The following CACNA1A variants were observed in gnomAD, a reference collection of about 807,000 sequenced individuals.
The protein encoded by CACNA1A is voltage-dependent P/Q-type calcium channel subunit alpha-1A.
In CACNA1A, 57 loss-of-function variants were observed where a neutral mutation model predicts 262.4. The observed-to-expected ratio is 0.22, with a 90% CI of 0.18 to 0.27. The LOEUF (loss-of-function observed/expected upper bound fraction) is 0.27, where lower values mean the gene tolerates loss of function less well. Among genes scored for constraint, CACNA1A ranks in the 10% least tolerant of loss-of-function variants. The pLI is 1.00. For missense variants in CACNA1A, 2,526 were observed against 3,562.8 expected, an observed-to-expected ratio of 0.71 and a Z score of 7.41; for synonymous variants, 1,431 against 1,419.3, an observed-to-expected ratio of 1.01 and a Z score of -0.18.
In CACNA1A at chr19:13,286,685, G is replaced by A. The variant is rs374720207; in HGVS notation, c.3371C>T (p.Thr1124Met). The change falls in exon 20 of 47, where the codon ACG (threonine) becomes ATG (methionine). Residue 1124 changes from threonine (T) to methionine (M), a missense_variant. By Grantham distance (81) the Thr-to-Met change is moderately conservative (BLOSUM62 -1). This residue lies in a region of CACNA1A where 765 missense variants were observed against 748.6 expected (regional missense o/e 1.02). Transcript: ENST00000360228. ...GGATGGGTTCCCCGGGTTGTTGGGC[G>A]TCCGGCGGCTGGCGGCGTTCTGGGG... is the stretch of plus-strand genomic sequence containing the variant. ...TNPQNAASRR[T>M]PNNPGNPSNP... The A allele has an allele frequency of 3.7e-5, 58 of 1,571,714 alleles. No homozygotes were observed. The highest frequency in any genetic ancestry group is 4.8e-5 in the Non-Finnish European group (55 of 1,157,800).
chr19:13,223,100 C>T (rs890226786), intron 38 of CACNA1A, among the ~76,000 whole-genome samples: 29 of 152,206 alleles, frequency 1.9e-4, no homozygotes, highest in African/African-American at 7.0e-4. Flanking sequence ...TCATGACTCA[C>T]TGCAGCCTCA....
At chr19:13,232,055 A>G (rs1197362307) in intron 34 of CACNA1A, among the ~76,000 whole-genome samples, 195 bp from the exon 35 acceptor site, 1 of 152,140 alleles carries the variant, frequency 6.6e-6, no homozygotes, top group African/African-American at 2.4e-5. Flanking sequence ...AAGTCCACAG[A>G]GAGCTTTGAA....
At position 13,417,986 on chromosome 19, in the gene CACNA1A, A is replaced by G. The variant is rs547302296; in HGVS notation, c.539+34890T>C. ...CCCTGTCAAGAGCTCTCCCGGCCCC[A>G]TGTTCTTTTCCTTCCTGGCGGTTAG... On this transcript the variant is annotated intron_variant, in intron 3 of 46. Coordinates refer to ENST00000360228, the MANE Select transcript of CACNA1A (RefSeq NM_001127222.2). Among the ~76,000 whole-genome samples the G allele has an allele frequency of 2.0e-5, 3 of 151,008 alleles. No homozygotes were observed. The South Asian group carries it at 6.3e-4, about 32-fold the overall frequency.
chr19:13,381,734 G>A (rs2059526787), intron 3 of CACNA1A, among the ~76,000 whole-genome samples: 1 of 152,162 alleles, frequency 6.6e-6, no homozygotes, highest in African/African-American at 2.4e-5. Flanking sequence ...AATGCACCAG[G>A]CTGGACCGTG....
intron 23 of CACNA1A, among the ~76,000 whole-genome samples, chr19:13,276,729 G>A (rs1161314776): frequency 7.7e-6 from 1 of 129,642 alleles, no homozygotes; most frequent in Admixed American, 9.2e-5. Flanking sequence ...ACAGAGTCTC[G>A]CTGTGTCACC....
intron 10 of CACNA1A, among the ~76,000 whole-genome samples, chr19:13,328,522 T>C (rs1165198499): frequency 6.6e-6 from 1 of 152,206 alleles, no homozygotes; most frequent in Non-Finnish European, 1.5e-5. Context: ...GGCAGGTTTA[T>C]AAATGGGTTC....
chr19:13,436,198 C>T (rs930987017), intron 3 of CACNA1A, among the ~76,000 whole-genome samples: 2 of 152,144 alleles, frequency 1.3e-5, no homozygotes, highest in African/African-American at 2.4e-5. Context: ...TTCGCTTTTT[C>T]GAAGCACTCA....
chr19:13,209,207 G>T, intron 45 of CACNA1A, 105 bp downstream of exon 45: 1 of 1,355,758 alleles, frequency 7.4e-7, no homozygotes. Flanking sequence ...CCTCTCCATG[G>T]AGGCCTCTCC....
At chr19:13,485,000 T>C (rs1979802456) in intron 1 of CACNA1A, among the ~76,000 whole-genome samples, 1 of 152,222 alleles carries the variant, frequency 6.6e-6, no homozygotes, top group African/African-American at 2.4e-5. Flanking sequence ...ATTGCATCTG[T>C]CATATCCGTC....
At chr19:13,261,954 C>T (rs895426341) in intron 25 of CACNA1A, 16 of 211,444 alleles carry the variant, frequency 7.6e-5, no homozygotes, top group Non-Finnish European at 1.3e-4. Context: ...TAGTTGCTAC[C>T]ATGTTAACAC....
chr19:13,356,511 G>A (rs1396380400), intron 6 of CACNA1A, among the ~76,000 whole-genome samples: 1 of 152,156 alleles, frequency 6.6e-6, no homozygotes, highest in African/African-American at 2.4e-5. Context: ...AGGCTTCCAA[G>A]GGAAACACCC....
chr19:13,250,747 T>C (rs927695925), intron 30 of CACNA1A, among the ~76,000 whole-genome samples: 1 of 152,232 alleles, frequency 6.6e-6, no homozygotes, highest in African/African-American at 2.4e-5. Context: ...AGAATAGTGC[T>C]GGCTATTTTA....
chr19:13,241,425 G>A lies in CACNA1A; in HGVS notation c.4950+3757C>T, dbSNP rs1568453748. ...TTGAGGAGAGCGTCAGGCATCCCAC[G>A]TTGGAGAGGCAGGGTGTGGCATGCA... On this transcript the variant is annotated intron_variant, in intron 31 of 46. Coordinates refer to ENST00000360228, the MANE Select transcript of CACNA1A (RefSeq NM_001127222.2). This position sits in a 1 kb window ranked among gnomAD's most constrained non-coding sequence, Gnocchi z 4.0. 7.3e-6 allele frequency: 6 copies of A among 823,416 alleles called. No individual in the cohort carries two copies. The highest frequency in any genetic ancestry group is 1.0e-5 in the Non-Finnish European group (5 of 495,086). The allele number at this position is 823,416 out of a possible 1,614,324, so 51.0% of individuals were successfully genotyped here. A position where few individuals can be genotyped will look rare whatever the true frequency, so the allele number is the denominator to read the frequency against.
At chr19:13,408,781 C>T (rs948964268) in intron 3 of CACNA1A, among the ~76,000 whole-genome samples, 27 of 152,158 alleles carry the variant, frequency 1.8e-4, no homozygotes, top group Non-Finnish European at 1.3e-4. Flanking sequence ...CAAAGGAATA[C>T]CACCTCAGCC....
At chr19:13,295,411 TC>T (rs2057642744) in intron 19 of CACNA1A, among the ~76,000 whole-genome samples, 1 of 152,208 alleles carries the variant, frequency 6.6e-6, no homozygotes, top group Admixed American at 6.5e-5. Flanking sequence ...CTTTCTAATG[TC>T]CCTCAAAGAG....
intron 3 of CACNA1A, among the ~76,000 whole-genome samples, chr19:13,390,444 G>T (rs1478202163): frequency 6.6e-6 from 1 of 152,178 alleles, no homozygotes; most frequent in Admixed American, 6.5e-5. Context: ...CTGTCTGACA[G>T]AACTTTCTGG....
In CACNA1A at chr19:13,506,022, C is replaced by T. The variant is rs576099495; in HGVS notation, c.203G>A (p.Arg68Gln). Residue 68 changes from arginine (R) to glutamine (Q), a missense_variant, in exon 1 of 47, where the codon CGA (arginine) becomes CAA (glutamine). This residue lies in a region of CACNA1A where 77 missense variants were observed against 228.4 expected (regional missense o/e 0.34). Transcript: ENST00000360228. ...CCGGTTAACCGTGAGGCAGTTCTGTCGGACGGGGATGGGGTTGTAGAGTGC... is the reference window on the plus strand; with the variant it reads ...CCGGTTAACCGTGAGGCAGTTCTGTTGGACGGGGATGGGGTTGTAGAGTGC... ...TMALYNPIPV[R>Q]QNCLTVNRSL... The T allele has an allele frequency of 1.7e-5, 27 of 1,613,986 alleles. No individual in the cohort carries two copies. The South Asian group carries it at 2.1e-4, about 12-fold the overall frequency.
At chr19:13,431,161 G>T (rs1417316848) in intron 3 of CACNA1A, among the ~76,000 whole-genome samples, 1 of 152,000 alleles carries the variant, frequency 6.6e-6, no homozygotes, top group Non-Finnish European at 1.5e-5. Flanking sequence ...TCCTGACTCA[G>T]TGGCTCACAG....
At chr19:13,378,552 C>G (rs1158825035) in intron 3 of CACNA1A, among the ~76,000 whole-genome samples, 1 of 152,162 alleles carries the variant, frequency 6.6e-6, no homozygotes, top group Admixed American at 6.6e-5. Flanking sequence ...CACGATCAGT[C>G]AGCACCCATC....
Sources: gnomAD v4.1 joint callset for allele counts (sites outside exome capture counted in the v4.1 genomes callset) on GRCh38, gnomAD v4.1.1 for gene constraint, gnomAD v4.1.1 regional missense constraint, Gnocchi (gnomAD v3.1) non-coding constraint, MANE v1.5 for transcripts, NCBI Gene and HGNC (gene_info 2026-07-23, HGNC 2026-07-21) for gene names.